The following LRSAM1 variants were observed in gnomAD, a reference collection of about 807,000 sequenced individuals.
LRSAM1 encodes leucine rich repeat and sterile alpha motif containing 1.
LRSAM1 carries 96 observed loss-of-function variants against 118.1 expected under a neutral mutation model. That is an observed-to-expected ratio of 0.81 (90% CI 0.69 to 0.96). The LOEUF (loss-of-function observed/expected upper bound fraction) is 0.96, where lower values mean the gene tolerates loss of function less well. LRSAM1 is among the 40% of genes least tolerant of loss of function. The probability of loss-of-function intolerance (pLI) is 0.00; values close to 1 mark genes in which losing one functional copy is unlikely to be tolerated. For missense variants in LRSAM1, 804 were observed against 915.5 expected (o/e 0.88, Z 1.57); for synonymous variants, 322 against 364.2 (o/e 0.88, Z 1.32).
rs547468770 is a variant in LRSAM1 at position 127,498,118 on chromosome 9, G to A, written c.1912+784G>A. Among the ~76,000 whole-genome samples, 10 of 152,336 alleles carry A rather than the reference G, an allele frequency of 6.6e-5. No individual in the cohort carries two copies. The South Asian group carries it at 2.1e-3, about 32-fold the overall frequency. On this transcript the variant is annotated intron_variant, in intron 24 of 25. Transcript: ENST00000300417. ...TCTGGACAGGGCATTTTTAGCCAGA[G>A]CCAAGGAAGAAGCGGAGGAGCTGAG...
At position 127,479,891 on chromosome 9, in the gene LRSAM1, C is replaced by T. The variant is rs1158202126; in HGVS notation, c.956C>T (p.Ala319Val). 6.2e-7 allele frequency: 1 copy of T among 1,612,468 alleles called. No individual in the cohort carries two copies. Among genetic ancestry groups the T allele is most frequent in the South Asian group, 1.1e-5 (1 of 90,972 alleles). The change falls in exon 14 of 26, where the codon GCA becomes GTA. Residue 319 changes from alanine (A) to valine (V), a missense_variant. Physicochemically the swap from Ala to Val is moderately conservative, Grantham distance 64 (BLOSUM62 0). Coordinates refer to ENST00000300417, the MANE Select transcript of LRSAM1 (RefSeq NM_001005373.4). ...GLSEHQRHLNAERQRLQEQLK... is the reference protein window; with the variant it reads ...GLSEHQRHLNVERQRLQEQLK... ...AGTGAGCACCAGCGCCACCTCAACG[C>T]AGAGCGGCAGCGGCTGCAGGAGCAG...
At chr9:127,493,911 C>T (rs1836025509) in intron 21 of LRSAM1, among the ~76,000 whole-genome samples, 1 of 152,202 alleles carries the variant, frequency 6.6e-6, no homozygotes, top group Non-Finnish European at 1.5e-5. Context: ...TAGGCCGGGT[C>T]CTGTGCAGGT....
intron 9 of LRSAM1, among the ~76,000 whole-genome samples, chr9:127,467,257 A>G (rs923687568): frequency 6.6e-6 from 1 of 152,230 alleles, no homozygotes; most frequent in Non-Finnish European, 1.5e-5. Flanking sequence ...TTACAAAAGC[A>G]GTTACAAAAA....
Position 127,479,909 on chromosome 9 carries a change from A to G in LRSAM1, c.974A>G (p.Gln325Arg). ...RHLNAERQRLQEQLKQTEQNI... is the reference protein window; with the variant it reads ...RHLNAERQRLREQLKQTEQNI... ...CTCAACGCAGAGCGGCAGCGGCTGC[A>G]GGAGCAGCTGAAGCAGACGGAACAG... Residue 325 changes from glutamine (Q) to arginine (R), a missense_variant, in exon 14 of 26, where the codon CAG becomes CGG. Transcript: ENST00000300417. 1 of 1,613,850 alleles carries G rather than the reference A, an allele frequency of 6.2e-7. No individual in the cohort carries two copies. Among genetic ancestry groups the G allele is most frequent in the Non-Finnish European group, 8.5e-7 (1 of 1,179,938 alleles).
chr9:127,501,496 CCA>C (rs1836391703), intron 25 of LRSAM1, among the ~76,000 whole-genome samples: 1 of 152,114 alleles, frequency 6.6e-6, no homozygotes, highest in Non-Finnish European at 1.5e-5. Flanking sequence ...CTTTTGGAGG[CCA>C]AGGCAGGTGG....
chr9:127,495,506 CTT>C (rs917348494), intron 22 of LRSAM1, 88 bp downstream of exon 22: 157 of 1,105,572 alleles, frequency 1.4e-4, no homozygotes, highest in Non-Finnish European at 1.8e-4. Flanking sequence ...TGCTCTGCCT[CTT>C]GTTACTTTTC....
chr9:127,481,288 C>G, intron 15 of LRSAM1, 61 bp downstream of exon 15: 12 of 1,561,464 alleles, frequency 7.7e-6, no homozygotes, highest in Non-Finnish European at 1.0e-5. Context: ...GAGTCCTGCA[C>G]TGTCGCCAGG....
chr9:127,481,304 G>A lies in LRSAM1; in HGVS notation c.1088+77G>A, dbSNP rs927365679. 5 of 1,502,994 alleles carry A rather than the reference G, an allele frequency of 3.3e-6. No individual in the cohort carries two copies. The African/African-American group carries it at 4.2e-5, about 12-fold the overall frequency. 93.1% of individuals were successfully genotyped at this position (1,502,994 alleles called of 1,614,324 possible). A position where few individuals can be genotyped will look rare whatever the true frequency, so the allele number is the denominator to read the frequency against. The stretch of plus-strand genomic sequence containing the variant: ...AGTCCTGCACTGTCGCCAGGCTGGA[G>A]TGCAGTGGCACAATCTCGGCTCAGT... On this transcript the variant is annotated intron_variant, in intron 15 of 25. Coordinates refer to ENST00000300417, the MANE Select transcript of LRSAM1 (RefSeq NM_001005373.4).
At chr9:127,481,338 C>T (rs890166582) in intron 15 of LRSAM1, 111 bp downstream of exon 15, 21 of 1,183,220 alleles carry the variant, frequency 1.8e-5, no homozygotes, top group African/African-American at 3.0e-5. Context: ...GTGCAACCCC[C>T]GCCGCCCAGG....
intron 18 of LRSAM1, 71 bp from the exon 19 acceptor site, chr9:127,489,373 T>C: frequency 1.3e-6 from 2 of 1,542,352 alleles, no homozygotes; most frequent in Admixed American, 3.9e-5. Flanking sequence ...GCTTTTGCTT[T>C]TCACAGGGAT....
intron 9 of LRSAM1, among the ~76,000 whole-genome samples, chr9:127,466,133 A>G (rs1588105167): frequency 6.6e-6 from 1 of 151,988 alleles, no homozygotes; most frequent in Non-Finnish European, 1.5e-5. Context: ...ACATGGTGAA[A>G]CCCCATCTCT....
At position 127,483,269 on chromosome 9, in the gene LRSAM1, C is replaced by T. The variant is rs1247955215; in HGVS notation, c.1159+249C>T. Reference sequence around the variant, plus strand: ...ACTGCTCCCCAACTTTTCCAAGGCTCGGTTTTCTTAGCTATAAAATGGAGG... The same window carrying T: ...ACTGCTCCCCAACTTTTCCAAGGCTTGGTTTTCTTAGCTATAAAATGGAGG... On this transcript the variant is annotated intron_variant, in intron 16 of 25. Coordinates refer to ENST00000300417, the MANE Select transcript of LRSAM1 (RefSeq NM_001005373.4). Among the ~76,000 whole-genome samples, 6 of 152,104 alleles carry T rather than the reference C, an allele frequency of 3.9e-5. No homozygotes were observed. In the South Asian group the frequency reaches 6.2e-4, roughly 16 times the overall value.
At chr9:127,502,747 C>T in intron 25 of LRSAM1, 27 bp from the exon 26 acceptor site, 1 of 1,611,428 alleles carries the variant, frequency 6.2e-7, no homozygotes. Context: ...GTAGGGCCAG[C>T]CACATGCTCC....
At chr9:127,493,482 T>C (rs1008302098) in intron 21 of LRSAM1, among the ~76,000 whole-genome samples, 42 of 152,346 alleles carry the variant, frequency 2.8e-4, no homozygotes, top group African/African-American at 9.6e-4. Flanking sequence ...TTTCCGCACA[T>C]TCTTTTCAAG....
intron 13 of LRSAM1, 64 bp from the exon 14 acceptor site, chr9:127,479,775 G>A: frequency 6.3e-7 from 1 of 1,588,074 alleles, no homozygotes; most frequent in South Asian, 1.1e-5. Context: ...CCTAACCCCA[G>A]TCAGTACCCC....
chr9:127,478,901 C>T (rs1469293360), intron 11 of LRSAM1, 33 bp from the exon 12 acceptor site: 1 of 1,613,464 alleles, frequency 6.2e-7, no homozygotes, highest in Non-Finnish European at 8.5e-7. Flanking sequence ...CTGCTGCCAC[C>T]CTCTCTTGAC....
chr9:127,452,421 GACAGCCCCGCCCCCGT>G (rs1190639803), intron 2 of LRSAM1: 1 of 152,260 alleles, frequency 6.6e-6, no homozygotes, highest in African/African-American at 2.4e-5. Context: ...TGCCTCCCCA[GACAGCCCCGCCCCCGT>G]GGGTGCAGAG....
intron 10 of LRSAM1, among the ~76,000 whole-genome samples, chr9:127,471,824 G>A (rs1432802480): frequency 1.3e-5 from 2 of 151,596 alleles, no homozygotes; most frequent in African/African-American, 4.8e-5. Flanking sequence ...CACCACGCCT[G>A]GCTAATTTTT....
At chr9:127,500,457 G>C (rs112833023) in intron 24 of LRSAM1, among the ~76,000 whole-genome samples, 3 of 152,238 alleles carry the variant, frequency 2.0e-5, no homozygotes, top group Admixed American at 6.5e-5. Context: ...AGCATGCTGG[G>C]GACTCTGTGG....
Sources: gnomAD v4.1 joint callset for allele counts (sites outside exome capture counted in the v4.1 genomes callset) on GRCh38, gnomAD v4.1.1 for gene constraint, MANE v1.5 for transcripts, NCBI Gene and HGNC (gene_info 2026-07-23, HGNC 2026-07-21) for gene names.